The following IL1RAPL1 variants were observed in gnomAD, a reference collection of about 807,000 sequenced individuals.
IL1RAPL1 encodes the protein interleukin-1 receptor accessory protein-like 1.
A neutral mutation model predicts 48.4 loss-of-function variants in IL1RAPL1; 3 were observed. That is an observed-to-expected ratio of 0.06 (90% CI 0.03 to 0.16). IL1RAPL1 has a LOEUF of 0.16. IL1RAPL1 is among the 10% of genes least tolerant of loss of function. The pLI, the probability that IL1RAPL1 is intolerant of heterozygous loss-of-function variation, is 1.00. For missense variants in IL1RAPL1, 349 were observed against 530.6 expected (o/e 0.66, Z 3.36); for synonymous variants, 185 against 187.7 (o/e 0.99, Z 0.12).
intron 5 of IL1RAPL1, among the ~76,000 whole-genome samples, chrX:29,447,324 A>T (rs192652933): frequency 1.8e-5 from 2 of 109,319 alleles, no homozygotes; most frequent in African/African-American, 6.6e-5. Context: ...TGCGCCTCAT[A>T]TTGTTTTTTA....
intron 6 of IL1RAPL1, among the ~76,000 whole-genome samples, chrX:29,780,429 T>C (rs1929312059): frequency 9.0e-6 from 1 of 111,660 alleles, no homozygotes; most frequent in Non-Finnish European, 1.9e-5. Context: ...ATAGAACTTT[T>C]TGGATTTTCA....
chrX:29,829,051 G>A lies in IL1RAPL1; in HGVS notation c.779-88413G>A, dbSNP rs756602732. 1.0e-3 allele frequency among the ~76,000 whole-genome samples: 111 copies of A among 109,841 alleles called. 1 individual carries two copies. The highest frequency in any genetic ancestry group is 1.4e-3 in the Non-Finnish European group (75 of 52,681). ...TGAAGCACTTCCAAAGCTGCTTCAG[G>A]AACCAAGGGCAAATGGCCAAATATT... On this transcript the variant is annotated intron_variant, in intron 6 of 10. Transcript: ENST00000378993.
At chrX:29,806,084 T>C (rs902651034) in intron 6 of IL1RAPL1, among the ~76,000 whole-genome samples, 2 of 110,337 alleles carry the variant, frequency 1.8e-5, no homozygotes, top group Non-Finnish European at 3.8e-5. Flanking sequence ...GCTGATTCAG[T>C]TGAAGGAACC....
intron 5 of IL1RAPL1, among the ~76,000 whole-genome samples, chrX:29,550,370 A>G (rs1018078067): frequency 1.3e-4 from 14 of 110,038 alleles, no homozygotes; most frequent in Non-Finnish European, 2.3e-4. Flanking sequence ...TCTTTTTTGT[A>G]TTTTTAGTAG....
At chrX:29,284,699 C>T (rs1158537715) in intron 3 of IL1RAPL1, among the ~76,000 whole-genome samples, 1 of 112,152 alleles carries the variant, frequency 8.9e-6, no homozygotes, top group East Asian at 2.8e-4. Flanking sequence ...GAGCCAAGAT[C>T]ACACCACTGT....
At chrX:29,220,192 AAAT>A (rs1930948340) in intron 2 of IL1RAPL1, among the ~76,000 whole-genome samples, 2 of 112,249 alleles carry the variant, frequency 1.8e-5, no homozygotes, top group Admixed American at 1.9e-4. Context: ...GTTGAAAATT[AAAT>A]ACTATTGAAT....
intron 2 of IL1RAPL1, among the ~76,000 whole-genome samples, chrX:29,089,087 A>T (rs925498902): frequency 9.0e-6 from 1 of 111,385 alleles, no homozygotes; most frequent in Non-Finnish European, 1.9e-5. Context: ...TATGTGGATC[A>T]TTTTGTTTTG....
intron 5 of IL1RAPL1, among the ~76,000 whole-genome samples, chrX:29,552,468 A>G (rs777771938): frequency 9.0e-6 from 1 of 111,394 alleles, no homozygotes; most frequent in East Asian, 2.8e-4. Context: ...GTTACATACC[A>G]TGGTTTCACT....
At chrX:28,668,035 A>G (rs1392530428) in intron 1 of IL1RAPL1, among the ~76,000 whole-genome samples, 1 of 111,940 alleles carries the variant, frequency 8.9e-6, no homozygotes, top group African/African-American at 3.2e-5. Flanking sequence ...TAGAATTTCT[A>G]TGTAGCAATT....
intron 2 of IL1RAPL1, among the ~76,000 whole-genome samples, chrX:29,220,832 A>G (rs1200601465): frequency 8.9e-6 from 1 of 112,317 alleles, no homozygotes; most frequent in African/African-American, 3.2e-5. Context: ...ATTTCAAAAT[A>G]AACTCATATC....
chrX:28,908,450 G>T (rs752408162), intron 2 of IL1RAPL1, among the ~76,000 whole-genome samples: 1 of 111,292 alleles, frequency 9.0e-6, no homozygotes, highest in African/African-American at 3.3e-5. Context: ...TCCTTGACTC[G>T]TGATTTATTT....
chrX:29,611,141 T>A (rs1924079867), intron 5 of IL1RAPL1, among the ~76,000 whole-genome samples: 1 of 112,238 alleles, frequency 8.9e-6, no homozygotes, highest in Non-Finnish European at 1.9e-5. Flanking sequence ...AGAGAATCCC[T>A]TTCCCCCTTT....
chrX:29,916,317 A>G lies in IL1RAPL1; in HGVS notation c.779-1147A>G, dbSNP rs112677381. On this transcript the variant is annotated intron_variant, in intron 6 of 10. Transcript: ENST00000378993. ...ATTTCTAGTTCTAGATCCCTGAGGA[A>G]TCGCCACACTGACTTCCACAAAGGA... Among the ~76,000 whole-genome samples the G allele has an allele frequency of 1.7e-3, 187 of 111,632 alleles. 2 individuals carry two copies. Among genetic ancestry groups the G allele is most frequent in the African/African-American group, 5.6e-3 (173 of 30,724 alleles).
intron 6 of IL1RAPL1, among the ~76,000 whole-genome samples, chrX:29,803,193 ATACATATACACACATG>A (rs1930082853): frequency 6.2e-5 from 2 of 32,226 alleles, no homozygotes; most frequent in Non-Finnish European, 1.2e-4. Context: ...GTATATATGT[ATACATATACACACATG>A]TATATATGTA....
intron 6 of IL1RAPL1, among the ~76,000 whole-genome samples, chrX:29,836,901 C>T (rs1248464720): frequency 9.1e-6 from 1 of 110,217 alleles, no homozygotes; most frequent in African/African-American, 3.3e-5. Flanking sequence ...AGAATTTGAA[C>T]CCAGGAAGTC....
intron 2 of IL1RAPL1, among the ~76,000 whole-genome samples, chrX:28,819,074 ATG>A (rs986294634): frequency 2.3e-4 from 25 of 110,923 alleles, no homozygotes; most frequent in Non-Finnish European, 4.2e-4. Context: ...TTGTGTTTAT[ATG>A]TGAGTTACAA....
chrX:28,835,409 A>G (rs1293522021), intron 2 of IL1RAPL1, among the ~76,000 whole-genome samples: 1 of 111,461 alleles, frequency 9.0e-6, no homozygotes, highest in Non-Finnish European at 1.9e-5. Context: ...CAATGCAAGG[A>G]AAGAATGGCA....
At chrX:29,013,573 G>T (rs1306945813) in intron 2 of IL1RAPL1, among the ~76,000 whole-genome samples, 2 of 111,839 alleles carry the variant, frequency 1.8e-5, no homozygotes, top group African/African-American at 3.3e-5. Context: ...CTGGGACATA[G>T]AGTTGGAAAC....
chrX:28,682,129 T>C (rs1338182469), intron 1 of IL1RAPL1, among the ~76,000 whole-genome samples: 2 of 111,967 alleles, frequency 1.8e-5, no homozygotes, highest in Non-Finnish European at 3.8e-5. Context: ...TCCTTTCTTA[T>C]TTTTATGGCT....
Sources: gnomAD v4.1 joint callset for allele counts (sites outside exome capture counted in the v4.1 genomes callset) on GRCh38, gnomAD v4.1.1 for gene constraint, MANE v1.5 for transcripts, NCBI Gene and HGNC (gene_info 2026-07-23, HGNC 2026-07-21) for gene names.